The following CRIPT variants were observed in gnomAD, a reference collection of about 807,000 sequenced individuals.
CRIPT encodes cysteine-rich PDZ-binding protein.
In CRIPT, 20 loss-of-function variants were observed where a neutral mutation model predicts 16.6. The ratio of observed to expected loss-of-function variants is 1.20; its 90% CI spans 0.85 to 1.75. The LOEUF (loss-of-function observed/expected upper bound fraction) is 1.75, where lower values mean the gene tolerates loss of function less well. CRIPT is among the 40% of genes most tolerant of loss of function. The probability of loss-of-function intolerance (pLI) is 0.00; values close to 1 mark genes in which losing one functional copy is unlikely to be tolerated. For missense variants in CRIPT, 133 were observed against 115.3 expected (o/e 1.15, Z -0.70); for synonymous variants, 42 against 37.0 (o/e 1.14, Z -0.49).
rs1558721238 is a variant in CRIPT, at chr2:46,628,137, T to A, written c.*3910T>A. ...CTTTTTTTTTTTTTTTGAGACGGAGTCTTGCTGTGTCTCCCAGGCTCTGAG... is the reference window on the plus strand; with the variant it reads ...CTTTTTTTTTTTTTTTGAGACGGAGACTTGCTGTGTCTCCCAGGCTCTGAG... On this transcript the variant is annotated 3_prime_UTR_variant, in exon 5 of 5. Coordinates refer to ENST00000238892, the MANE Select transcript of CRIPT (RefSeq NM_014171.6). Among the ~76,000 whole-genome samples the A allele has an allele frequency of 6.8e-6, 1 of 146,388 alleles. No individual in the cohort carries two copies. The highest frequency in any genetic ancestry group is 1.5e-5 in the Non-Finnish European group (1 of 67,184).
intron 3 of CRIPT, among the ~76,000 whole-genome samples, chr2:46,622,356 C>T (rs34996358): frequency 0.3 from 42,496 of 143,294 alleles, 6,535 homozygotes; most frequent in Admixed American, 0.36. Flanking sequence ...GGCGACAGAG[C>T]GAGACTCCGT....
intron 1 of CRIPT, among the ~76,000 whole-genome samples, chr2:46,618,022 A>G (rs1285405221): frequency 6.7e-6 from 1 of 148,706 alleles, no homozygotes; most frequent in Non-Finnish European, 1.5e-5. Context: ...TGTGTCCTTT[A>G]TCTAGTTTGC....
intron 4 of CRIPT, 38 bp downstream of exon 4, chr2:46,623,905 C>A: frequency 7.2e-7 from 1 of 1,391,972 alleles, no homozygotes; most frequent in South Asian, 1.2e-5. Flanking sequence ...TTCATAAAAC[C>A]GACTTCATTT....
In CRIPT at chr2:46,628,251, C is replaced by A. The variant is rs941931887; in HGVS notation, c.*4024C>A. On this transcript the variant is annotated 3_prime_UTR_variant, in exon 5 of 5. Transcript: ENST00000238892. ...TCAGCCTCCCAAATAGCTGGGATTA[C>A]AGGAGCCCGCCAACCATGCCCAGCT... 6.6e-6 allele frequency among the ~76,000 whole-genome samples: 1 copy of A among 151,880 alleles called. No individual in the cohort carries two copies. Among genetic ancestry groups the A allele is most frequent in the African/African-American group, 2.4e-5 (1 of 41,346 alleles).
In CRIPT at chr2:46,624,436, T is replaced by G; in HGVS notation, c.*209T>G. The stretch of plus-strand genomic sequence containing the variant: ...AAATGGTTATTTTCCTTATAAGAAT[T>G]TTAAGAACTAAGTGGCAAATTCCAT... On this transcript the variant is annotated 3_prime_UTR_variant, in exon 5 of 5. Transcript: ENST00000238892. The G allele has an allele frequency of 2.8e-6, 1 of 356,302 alleles. No individual in the cohort carries two copies. The highest frequency in any genetic ancestry group is 5.0e-6 in the Non-Finnish European group (1 of 198,924). 22.1% of individuals were successfully genotyped at this position (356,302 alleles called of 1,614,324 possible).
intron 3 of CRIPT, among the ~76,000 whole-genome samples, chr2:46,622,496 G>A (rs997294731): frequency 2.0e-5 from 3 of 151,980 alleles, no homozygotes; most frequent in Admixed American, 6.6e-5. Context: ...AGGAAGAAGA[G>A]TACCTATCTT....
At chr2:46,622,178 G>T (rs1326537060) in intron 3 of CRIPT, among the ~76,000 whole-genome samples, 1 of 151,180 alleles carries the variant, frequency 6.6e-6, no homozygotes, top group Admixed American at 6.6e-5. Context: ...GACCATCCTG[G>T]CTAACATGGT....
chr2:46,618,691 A>T, intron 1 of CRIPT, 82 bp from the exon 2 acceptor site: 1 of 826,504 alleles, frequency 1.2e-6, no homozygotes, highest in Non-Finnish European at 2.0e-6. Flanking sequence ...GATAGTCGAT[A>T]CCATTGTGAA....
Position 46,626,570 on chromosome 2 carries a change from C to T in CRIPT, c.*2343C>T, listed in dbSNP as rs1365879328. ...TCCATCAGTGTAGGCGCATTCTACA[C>T]TGCACTGGCTTCTACAGTGTTGAAG... On this transcript the variant is annotated 3_prime_UTR_variant, in exon 5 of 5. Transcript: ENST00000238892. Among the ~76,000 whole-genome samples, 3 of 152,212 alleles carry T rather than the reference C, an allele frequency of 2.0e-5. No homozygotes were observed. The highest frequency in any genetic ancestry group is 7.2e-5 in the African/African-American group (3 of 41,458).
intron 3 of CRIPT, 31 bp from the exon 4 acceptor site, chr2:46,623,733 A>G (rs376567583): frequency 1.2e-5 from 15 of 1,278,592 alleles, no homozygotes; most frequent in Middle Eastern, 4.2e-4. Context: ...AGTGTAATAT[A>G]CAATTTTCTC....
At chr2:46,617,377 G>T (rs2104162427) in intron 1 of CRIPT, 79 bp downstream of exon 1, 1 of 1,489,878 alleles carries the variant, frequency 6.7e-7, no homozygotes, top group Non-Finnish European at 9.0e-7. Context: ...TTGCTTTCTC[G>T]TTGTTTTTTC....
chr2:46,622,474 G>C (rs907926752), intron 3 of CRIPT, among the ~76,000 whole-genome samples: 1 of 151,826 alleles, frequency 6.6e-6, no homozygotes, highest in African/African-American at 2.4e-5. Context: ...CAAACAAATT[G>C]AACTTATTGA....
chr2:46,627,272 T>A lies in CRIPT; in HGVS notation c.*3045T>A, dbSNP rs1254554235. ...TGTTTACTGTATTGATAGTTCCTTT[T>A]GCGGTGCAGAAGCTCTTTAGTTTGA... On this transcript the variant is annotated 3_prime_UTR_variant, in exon 5 of 5. Transcript: ENST00000238892. Among the ~76,000 whole-genome samples the A allele has an allele frequency of 6.6e-6, 1 of 152,190 alleles. No individual in the cohort carries two copies. Among genetic ancestry groups the A allele is most frequent in the Non-Finnish European group, 1.5e-5 (1 of 68,030 alleles).
At chr2:46,623,593 A>G (rs142863813) in intron 3 of CRIPT, among the ~76,000 whole-genome samples, 171 bp from the exon 4 acceptor site, 4 of 152,224 alleles carry the variant, frequency 2.6e-5, no homozygotes, top group South Asian at 2.1e-4. Flanking sequence ...CAGAGCAGAG[A>G]TGTACAGGCA....
At chr2:46,618,290 C>T (rs1670716027) in intron 1 of CRIPT, among the ~76,000 whole-genome samples, 1 of 143,984 alleles carries the variant, frequency 6.9e-6, no homozygotes, top group Non-Finnish European at 1.5e-5. Flanking sequence ...TAGACTCTTG[C>T]CAGGAAAAAA....
chr2:46,617,241 C>G lies in CRIPT; in HGVS notation c.-42C>G. 1 of 1,552,838 alleles carries G rather than the reference C, an allele frequency of 6.4e-7. No homozygotes were observed. On this transcript the variant is annotated 5_prime_UTR_variant, in exon 1 of 5. Coordinates refer to ENST00000238892, the MANE Select transcript of CRIPT (RefSeq NM_014171.6). ...TAGTGTTGTTGTTTTCAGCCTGCTG[C>G]TGCTGCTGCTGTTGCGGCTAGGGGA... is the stretch of plus-strand genomic sequence containing the variant.
Position 46,623,827 on chromosome 2 carries a change from A to G in CRIPT, c.201A>G (p.Gln67=), listed in dbSNP as rs140621301. ...GAATTTGTAAAAGTTCTGTGCACCA[A>G]CCAGGTTCTCATTACTGCCAGGGCT... ...TCRICKSSVH[Q]PGSHYCQGCA... Residue 67 remains glutamine (Q), a synonymous_variant, in exon 4 of 5, where the codon CAA becomes CAG. Transcript: ENST00000238892. The G allele has an allele frequency of 6.2e-7, 1 of 1,610,892 alleles. No individual in the cohort carries two copies. Among genetic ancestry groups the G allele is most frequent in the Non-Finnish European group, 8.5e-7 (1 of 1,178,148 alleles).
Position 46,624,762 on chromosome 2 carries a change from A to G in CRIPT, c.*535A>G, listed in dbSNP as rs1437945794. 1.3e-5 allele frequency: 2 copies of G among 152,156 alleles called. No individual in the cohort carries two copies. The highest frequency in any genetic ancestry group is 2.9e-5 in the Non-Finnish European group (2 of 68,026). The allele number at this position is 152,156 out of a possible 1,614,324, so 9.4% of individuals were successfully genotyped here. On this transcript the variant is annotated 3_prime_UTR_variant, in exon 5 of 5. Coordinates refer to ENST00000238892, the MANE Select transcript of CRIPT (RefSeq NM_014171.6). ...AAATCAAAGACCAGTTGGATTTATG[A>G]TATTTTTTATTTGTTCTTGCAGCCA...
In CRIPT at chr2:46,625,667, A is replaced by C. The variant is rs1419423741; in HGVS notation, c.*1440A>C. ...GCTTTTCAAAATGTGTTTTTCTGAGATACATTGTTATTTATTCATATCCAG... is the reference window on the plus strand; with the variant it reads ...GCTTTTCAAAATGTGTTTTTCTGAGCTACATTGTTATTTATTCATATCCAG... On this transcript the variant is annotated 3_prime_UTR_variant, in exon 5 of 5. Coordinates refer to ENST00000238892, the MANE Select transcript of CRIPT (RefSeq NM_014171.6). The C allele has an allele frequency of 7.2e-5, 11 of 152,064 alleles. No homozygotes were observed. The highest frequency in any genetic ancestry group is 1.3e-4 in the Non-Finnish European group (9 of 68,022). The allele number at this position is 152,064 out of a possible 1,614,324, so 9.4% of individuals were successfully genotyped here.
Sources: allele counts gnomAD v4.1 joint callset (sites outside exome capture counted in the v4.1 genomes callset), GRCh38; gene constraint gnomAD v4.1.1; transcripts MANE v1.5; gene names NCBI Gene and HGNC (gene_info 2026-07-23, HGNC 2026-07-21).